The following EDIL3 variants were observed in gnomAD, a reference collection of about 807,000 sequenced individuals.
The protein encoded by EDIL3 is EGF-like repeat and discoidin I-like domain-containing protein 3.
A neutral mutation model predicts 67.4 loss-of-function variants in EDIL3; 37 were observed. That is an observed-to-expected ratio of 0.55 (90% CI 0.42 to 0.72). The LOEUF is 0.72. EDIL3 is among the 30% of genes least tolerant of loss of function. The pLI is 0.00. For synonymous variants in EDIL3, 195 were observed against 196.3 expected, an observed-to-expected ratio of 0.99 and a Z score of 0.05; for missense variants, 527 against 586.3, an observed-to-expected ratio of 0.90 and a Z score of 1.04.
chr5:84,298,546 T>C (rs1374931650), intron 1 of EDIL3, among the ~76,000 whole-genome samples: 3 of 152,140 alleles, frequency 2.0e-5, no homozygotes, highest in East Asian at 1.9e-4. Context: ...GATAGGTTGA[T>C]AGGTGCAGTA....
intron 1 of EDIL3, among the ~76,000 whole-genome samples, chr5:84,338,330 C>T (rs74785646): frequency 0.017 from 2,544 of 152,200 alleles, 73 homozygotes; most frequent in African/African-American, 0.058. Flanking sequence ...TGCGCTTATG[C>T]GACTTGGTGG....
intron 7 of EDIL3, among the ~76,000 whole-genome samples, chr5:84,065,090 T>A (rs1235950853): frequency 6.6e-6 from 1 of 152,148 alleles, no homozygotes; most frequent in Non-Finnish European, 1.5e-5. Flanking sequence ...GATGGTCTTG[T>A]CAATTTTAAG....
intron 1 of EDIL3, among the ~76,000 whole-genome samples, chr5:84,370,418 C>T (rs533061796): frequency 3.3e-5 from 5 of 152,214 alleles, no homozygotes; most frequent in Non-Finnish European, 7.4e-5. Context: ...AGAAGTTATG[C>T]TTGGAGGAAA....
chr5:84,017,925 A>G (rs1745638580), intron 9 of EDIL3, among the ~76,000 whole-genome samples: 1 of 152,168 alleles, frequency 6.6e-6, no homozygotes, highest in Non-Finnish European at 1.5e-5. Flanking sequence ...CACTTCCAGG[A>G]AAGGTTCCCT....
chr5:84,277,363 A>C (rs1466104681), intron 1 of EDIL3, among the ~76,000 whole-genome samples: 1 of 152,154 alleles, frequency 6.6e-6, no homozygotes, highest in African/African-American at 2.4e-5. Context: ...GGACACCTTG[A>C]TCTTGGACTT....
intron 6 of EDIL3, among the ~76,000 whole-genome samples, chr5:84,075,937 A>G (rs1746847442): frequency 7.3e-6 from 1 of 137,334 alleles, no homozygotes; most frequent in Non-Finnish European, 1.5e-5. Flanking sequence ...CTCACGTGCC[A>G]TTGTGGGTTT....
At chr5:84,312,572 C>T (rs1178075400) in intron 1 of EDIL3, among the ~76,000 whole-genome samples, 1 of 146,074 alleles carries the variant, frequency 6.8e-6, no homozygotes, top group African/African-American at 2.7e-5. Context: ...GACTCCCCCA[C>T]CACCCTCCCG....
intron 9 of EDIL3, among the ~76,000 whole-genome samples, chr5:83,966,148 CTT>C (rs1744687231): frequency 6.6e-6 from 1 of 152,006 alleles, no homozygotes; most frequent in Non-Finnish European, 1.5e-5. Flanking sequence ...GACAAAATAC[CTT>C]CTGGTCTTTC....
intron 1 of EDIL3, among the ~76,000 whole-genome samples, chr5:84,339,092 T>TA (rs1747045708): frequency 6.6e-6 from 1 of 152,058 alleles, no homozygotes; most frequent in Non-Finnish European, 1.5e-5. Context: ...CACTTTTCTA[T>TA]ACGTACCAGA....
chr5:84,335,027 C>T (rs1376978072), intron 1 of EDIL3, among the ~76,000 whole-genome samples: 3 of 152,122 alleles, frequency 2.0e-5, no homozygotes, highest in Admixed American at 6.5e-5. Context: ...GCCTGTAGTG[C>T]TAACATATTT....
Position 84,350,207 on chromosome 5 carries a change from C to A in EDIL3, c.67+34101G>T, listed in dbSNP as rs966106521. On this transcript the variant is annotated intron_variant, in intron 1 of 10. Coordinates refer to ENST00000296591, the MANE Select transcript of EDIL3 (RefSeq NM_005711.5). The stretch of plus-strand genomic sequence containing the variant: ...CTAAAAATCTTATGCCTACTATCAA[C>A]CATTCCACCAGAATATCTGAACCAA... Among the ~76,000 whole-genome samples, 4 of 152,042 alleles carry A rather than the reference C, an allele frequency of 2.6e-5. No individual in the cohort carries two copies. The East Asian group carries it at 7.7e-4, about 29-fold the overall frequency.
intron 9 of EDIL3, among the ~76,000 whole-genome samples, chr5:84,035,743 T>C (rs1746010390): frequency 1.3e-5 from 2 of 152,184 alleles, no homozygotes; most frequent in African/African-American, 2.4e-5. Flanking sequence ...CTATTCCTAC[T>C]TGTAGACACA....
At chr5:83,970,710 A>C (rs1184571429) in intron 9 of EDIL3, among the ~76,000 whole-genome samples, 1 of 140,554 alleles carries the variant, frequency 7.1e-6, no homozygotes, top group Non-Finnish European at 1.5e-5. Context: ...TTTCAACACT[A>C]TTTGTTTTAT....
chr5:84,059,706 A>G (rs1746508700), intron 9 of EDIL3, among the ~76,000 whole-genome samples: 1 of 152,200 alleles, frequency 6.6e-6, no homozygotes, highest in Non-Finnish European at 1.5e-5. Context: ...GTGCATATTT[A>G]AACGTGCTCC....
intron 1 of EDIL3, among the ~76,000 whole-genome samples, chr5:84,371,341 A>ATATATATATATATATATATGTG (rs1008172581): frequency 3.1e-5 from 4 of 129,690 alleles, no homozygotes; most frequent in African/African-American, 8.2e-5. Flanking sequence ...ATATATATAT[A>ATATATATATATATATATATGTG]TGTGTGTGTG....
chr5:84,376,215 G>A (rs764837782), intron 1 of EDIL3, among the ~76,000 whole-genome samples: 3 of 152,060 alleles, frequency 2.0e-5, no homozygotes, highest in Non-Finnish European at 4.4e-5. Context: ...TAGAACAGTG[G>A]AACACATAGT....
chr5:84,099,501 G>A (rs933573057), intron 6 of EDIL3, among the ~76,000 whole-genome samples: 3 of 152,120 alleles, frequency 2.0e-5, no homozygotes, highest in Admixed American at 6.6e-5. Context: ...TTAATAAATG[G>A]TGTTGGGAAA....
intron 10 of EDIL3, among the ~76,000 whole-genome samples, chr5:83,957,075 G>C (rs1454386386): frequency 1.3e-5 from 2 of 151,712 alleles, no homozygotes; most frequent in African/African-American, 4.8e-5. Flanking sequence ...TTTGTATAAA[G>C]TCATGTATTT....
intron 2 of EDIL3, among the ~76,000 whole-genome samples, chr5:84,247,098 G>A (rs989517879): frequency 1.3e-5 from 2 of 151,914 alleles, no homozygotes; most frequent in Non-Finnish European, 2.9e-5. Flanking sequence ...ATCATCTATT[G>A]GCTAGCAGCT....
Sources: gnomAD v4.1 joint callset for allele counts (sites outside exome capture counted in the v4.1 genomes callset) on GRCh38, gnomAD v4.1.1 for gene constraint, MANE v1.5 for transcripts, NCBI Gene and HGNC (gene_info 2026-07-23, HGNC 2026-07-21) for gene names.